KLF9: variants seen among roughly 807,000 people sequenced by gnomAD.
KLF9 encodes the protein Krueppel-like factor 9.
In KLF9, 2 loss-of-function variants were observed where a neutral mutation model predicts 17.3. The observed-to-expected ratio is 0.12, with a 90% CI of 0.05 to 0.36. The LOEUF (loss-of-function observed/expected upper bound fraction) is 0.36, where lower values mean the gene tolerates loss of function less well. KLF9 is among the 10% of genes least tolerant of loss of function. The probability of loss-of-function intolerance (pLI) is 1.00; values close to 1 mark genes in which losing one functional copy is unlikely to be tolerated. For synonymous variants in KLF9, 138 were observed against 139.2 expected (o/e 0.99, Z 0.06); for missense variants, 226 against 333.2 (o/e 0.68, Z 2.51).
chr9:70,411,057 C>T (rs570090581), intron 1 of KLF9, among the ~76,000 whole-genome samples: 1 of 152,346 alleles, frequency 6.6e-6, no homozygotes, highest in South Asian at 2.1e-4. Context: ...AGCCGAATGA[C>T]TTGCCTTATG....
chr9:70,413,062 G>A lies in KLF9; in HGVS notation c.302C>T (p.Thr101Ile), dbSNP rs763995142. Residue 101 changes from threonine (T) to isoleucine (I), a missense_variant, in exon 1 of 2, where the codon ACC becomes ATC. Transcript: ENST00000377126. The surrounding 1 kb of genome is among the most constrained non-coding windows in gnomAD (Gnocchi z 5.6). Reference sequence around the variant, plus strand: ...GTGGGAAGGACTCGACCCAGATTCGGTGGTCACGTCGCTGTCGGATCCCAT... The same window carrying A: ...GTGGGAAGGACTCGACCCAGATTCGATGGTCACGTCGCTGTCGGATCCCAT... ...EDMGSDSDVT[T>I]ESGSSPSHSP... The A allele has an allele frequency of 1.2e-6, 2 of 1,614,138 alleles. No individual in the cohort carries two copies. Among genetic ancestry groups the A allele is most frequent in the Non-Finnish European group, 1.7e-6 (2 of 1,179,998 alleles).
intron 1 of KLF9, among the ~76,000 whole-genome samples, chr9:70,396,156 T>C (rs537523979): frequency 4.7e-4 from 71 of 152,262 alleles, no homozygotes; most frequent in African/African-American, 1.5e-3. Flanking sequence ...TCTACCACAC[T>C]GGTGGGATTT....
intron 1 of KLF9, among the ~76,000 whole-genome samples, chr9:70,388,851 G>C (rs1257577287): frequency 6.6e-6 from 1 of 152,140 alleles, no homozygotes; most frequent in African/African-American, 2.4e-5. Context: ...CTAGAAGTAA[G>C]TTTGTGCCAG....
At chr9:70,410,067 C>T (rs564168143) in intron 1 of KLF9, among the ~76,000 whole-genome samples, 85 of 152,260 alleles carry the variant, frequency 5.6e-4, no homozygotes, top group Middle Eastern at 3.4e-3. Context: ...GAAAGTGAGG[C>T]TTAAACAAAG....
At position 70,402,477 on chromosome 9, in the gene KLF9, G is replaced by A. The variant is rs951847657; in HGVS notation, c.505+10382C>T. On this transcript the variant is annotated intron_variant, in intron 1 of 1. Coordinates refer to ENST00000377126, the MANE Select transcript of KLF9 (RefSeq NM_001206.4). ...CCTATTAGCATATAGGGTAATAAATGTTCCTGTAAACATGATTTGTTTCTC... is the reference window on the plus strand; with the variant it reads ...CCTATTAGCATATAGGGTAATAAATATTCCTGTAAACATGATTTGTTTCTC... Among the ~76,000 whole-genome samples the A allele has an allele frequency of 2.0e-5, 3 of 152,142 alleles. No individual in the cohort carries two copies. In the East Asian group the frequency reaches 5.8e-4, roughly 29 times the overall value.
At chr9:70,399,141 T>C (rs1266944141) in intron 1 of KLF9, among the ~76,000 whole-genome samples, 1 of 152,214 alleles carries the variant, frequency 6.6e-6, no homozygotes, top group African/African-American at 2.4e-5. Context: ...GGCCAAGAGC[T>C]GTCTTGAAGT....
At position 70,387,809 on chromosome 9, in the gene KLF9, C is replaced by T; in HGVS notation, c.702G>A (p.Lys234=). The change falls in exon 2 of 2, where the codon AAG becomes AAA. Residue 234 remains lysine (K), a synonymous_variant. Coordinates refer to ENST00000377126, the MANE Select transcript of KLF9 (RefSeq NM_001206.4). ...CGTTGGCCAGCGCCTTTTTCGATCG[C>T]TTGATCATGCTGGGGTGGAACTCGG... is the stretch of plus-strand genomic sequence containing the variant. ...RHTEFHPSMI[K]RSKKALANAL is the part of the protein sequence containing the mutation. The T allele has an allele frequency of 6.2e-7, 1 of 1,614,044 alleles. No homozygotes were observed. Among genetic ancestry groups the T allele is most frequent in the South Asian group, 1.1e-5 (1 of 91,072 alleles).
At chr9:70,412,135 T>A (rs1587744613) in intron 1 of KLF9, among the ~76,000 whole-genome samples, 1 of 111,876 alleles carries the variant, frequency 8.9e-6, no homozygotes, top group South Asian at 3.2e-4. Flanking sequence ...GGACCACACC[T>A]CCCTGCAAAC....
intron 1 of KLF9, among the ~76,000 whole-genome samples, chr9:70,410,148 A>G (rs2037299048): frequency 6.6e-6 from 1 of 152,254 alleles, no homozygotes; most frequent in Admixed American, 6.5e-5. Context: ...GCCCCATATC[A>G]TGATCAGTTC....
rs140332281 is a variant in KLF9, at chr9:70,388,584, A to G, written c.506-579T>C. ...AAGTATTTTTTCTGTTTTATTCCAC[A>G]CAATTGCTGGTTTCATAAATTCTTT... On this transcript the variant is annotated intron_variant, in intron 1 of 1. Coordinates refer to ENST00000377126, the MANE Select transcript of KLF9 (RefSeq NM_001206.4). Among the ~76,000 whole-genome samples the G allele has an allele frequency of 4.6e-5, 7 of 152,284 alleles. No homozygotes were observed. In the South Asian group the frequency reaches 8.3e-4, roughly 18 times the overall value.
intron 1 of KLF9, among the ~76,000 whole-genome samples, chr9:70,409,346 G>A (rs190202368): frequency 1.6e-4 from 24 of 150,702 alleles, no homozygotes; most frequent in Middle Eastern, 3.4e-3. Context: ...ACCACTTGGC[G>A]ATAGCTGACT....
intron 1 of KLF9, among the ~76,000 whole-genome samples, chr9:70,409,473 G>A (rs960416069): frequency 2.0e-5 from 3 of 151,628 alleles, no homozygotes; most frequent in East Asian, 1.9e-4. Context: ...GATGACTTCC[G>A]AGCTGGAATT....
rs2037125550 is a variant in KLF9, at chr9:70,387,936, C to T, written c.575G>A (p.Arg192His). ...KKFSRSDELT[R>H]HYRTHTGEKQ... ...TTCCCCAGTGTGGGTCCGGTAGTGG[C>T]GGGTCAGCTCGTCTGAGCGGGAGAA... Residue 192 changes from arginine (R) to histidine (H), a missense_variant, in exon 2 of 2, where the codon CGC becomes CAC. Transcript: ENST00000377126. 1 of 1,613,888 alleles carries T rather than the reference C, an allele frequency of 6.2e-7. No individual in the cohort carries two copies. Among genetic ancestry groups the T allele is most frequent in the Non-Finnish European group, 8.5e-7 (1 of 1,179,964 alleles).
At chr9:70,396,892 T>C (rs2037184971) in intron 1 of KLF9, among the ~76,000 whole-genome samples, 1 of 151,894 alleles carries the variant, frequency 6.6e-6, no homozygotes. Context: ...CAAGAATATA[T>C]TCCAGGCCAG....
chr9:70,411,085 A>G (rs2037308690), intron 1 of KLF9, among the ~76,000 whole-genome samples: 1 of 152,218 alleles, frequency 6.6e-6, no homozygotes, highest in African/African-American at 2.4e-5. Flanking sequence ...AAGGAGCAGC[A>G]CGCATGCACG....
At chr9:70,409,168 ATG>A (rs1292083861) in intron 1 of KLF9, among the ~76,000 whole-genome samples, 2 of 39,750 alleles carry the variant, frequency 5.0e-5, no homozygotes, top group South Asian at 7.6e-4. Context: ...ATACACATAT[ATG>A]TATATATATG....
rs2118933938 is a variant in KLF9 at position 70,413,036 on chromosome 9, T to G, written c.328A>C (p.Ser110Arg). Residue 110 changes from serine to arginine, a missense_variant, in exon 1 of 2, where the codon AGC becomes CGC. Transcript: ENST00000377126. This position sits in a 1 kb window ranked among gnomAD's most constrained non-coding sequence, Gnocchi z 5.6. ...CCAGGATCCTGTCTCTCCTCCGGGCTGTGGGAAGGACTCGACCCAGATTCG... is the reference window on the plus strand; with the variant it reads ...CCAGGATCCTGTCTCTCCTCCGGGCGGTGGGAAGGACTCGACCCAGATTCG... ...TTESGSSPSH[S>R]PEERQDPGSA... 1 of 1,614,086 alleles carries G rather than the reference T, an allele frequency of 6.2e-7. No homozygotes were observed. Among genetic ancestry groups the G allele is most frequent in the South Asian group, 1.1e-5 (1 of 91,068 alleles).
At position 70,413,270 on chromosome 9, in the gene KLF9, C is replaced by G; in HGVS notation, c.94G>C (p.Asp32His). Residue 32 changes from aspartate (D) to histidine (H), a missense_variant, in exon 1 of 2, where the codon GAC (aspartate) becomes CAC (histidine). Asp to His is a moderately conservative substitution (Grantham distance 81, BLOSUM62 -1). Coordinates refer to ENST00000377126, the MANE Select transcript of KLF9 (RefSeq NM_001206.4). The surrounding 1 kb of genome is among the most constrained non-coding windows in gnomAD (Gnocchi z 5.6). ...AAVPEHGVAP[D>H]AERLRLPERE... ...TCAGGTAGTCGCAGCCGCTCGGCGT[C>G]CGGAGCGACCCCATGCTCCGGCACC... is the stretch of plus-strand genomic sequence containing the variant. The G allele has an allele frequency of 6.2e-7, 1 of 1,613,296 alleles. No homozygotes were observed. Among genetic ancestry groups the G allele is most frequent in the South Asian group, 1.1e-5 (1 of 91,060 alleles).
chr9:70,399,408 T>G (rs1052072545), intron 1 of KLF9, among the ~76,000 whole-genome samples: 17 of 152,358 alleles, frequency 1.1e-4, no homozygotes, highest in African/African-American at 3.8e-4. Flanking sequence ...AGGTAATTCC[T>G]GCCATCCCAG....
Sources: gnomAD v4.1 joint callset for allele counts (sites outside exome capture counted in the v4.1 genomes callset) on GRCh38, gnomAD v4.1.1 for gene constraint, Gnocchi (gnomAD v3.1) non-coding constraint, MANE v1.5 for transcripts, NCBI Gene and HGNC (gene_info 2026-07-23, HGNC 2026-07-21) for gene names.